Variants in TEX15 observed in about 807,000 individuals in gnomAD.
The protein encoded by TEX15 is testis-expressed protein 15.
TEX15 carries 171 observed loss-of-function variants against 237.3 expected under a neutral mutation model. The observed-to-expected ratio is 0.72, with a 90% CI of 0.64 to 0.82. TEX15 has a LOEUF of 0.82. Among genes scored for constraint, TEX15 ranks in the 40% least tolerant of loss-of-function variants. The pLI is 0.00. For missense variants in TEX15, 3,750 were observed against 3,646.5 expected (o/e 1.03, Z -0.73); for synonymous variants, 1,338 against 1,269.8 (o/e 1.05, Z -1.14).
chr8:30,895,660 A>G (rs1808887829), intron 2 of TEX15, among the ~76,000 whole-genome samples: 1 of 132,698 alleles, frequency 7.5e-6, no homozygotes, highest in Non-Finnish European at 1.5e-5. Context: ...ACATGTCAAC[A>G]CCTTTTAAAC....
At chr8:30,908,556 C>G (rs934044226) in intron 1 of TEX15, among the ~76,000 whole-genome samples, 1 of 152,134 alleles carries the variant, frequency 6.6e-6, no homozygotes, top group Admixed American at 6.5e-5. Flanking sequence ...CAAAGCTTTA[C>G]TGTAAGCCAC....
At chr8:30,871,686 C>A (rs1239904237) in intron 4 of TEX15, among the ~76,000 whole-genome samples, 2 of 152,216 alleles carry the variant, frequency 1.3e-5, no homozygotes, top group African/African-American at 2.4e-5. Flanking sequence ...CATATACTTT[C>A]AAAAACGCTC....
At position 30,845,548 on chromosome 8, in the gene TEX15, T is replaced by G. The variant is rs1446007972; in HGVS notation, c.4619A>C (p.Asn1540Thr). The change falls in exon 8 of 11, where the codon AAT becomes ACT. Residue 1540 changes from asparagine (N) to threonine (T), a missense_variant. Transcript: ENST00000643185. Reference sequence around the variant, plus strand: ...CTGATGTTCTTCTGATAAACTTGGATTGCTTACACTGCTATTATAATAAAC... The same window carrying G: ...CTGATGTTCTTCTGATAAACTTGGAGTGCTTACACTGCTATTATAATAAAC... ...QSVYYNSSVS[N>T]PSLSEEHQPF... 6.2e-7 allele frequency: 1 copy of G among 1,613,700 alleles called. No individual in the cohort carries two copies. The highest frequency in any genetic ancestry group is 8.5e-7 in the Non-Finnish European group (1 of 1,179,646).
intron 8 of TEX15, among the ~76,000 whole-genome samples, chr8:30,840,746 TA>T (rs1807432526): frequency 1.3e-5 from 2 of 152,186 alleles, no homozygotes; most frequent in Non-Finnish European, 1.5e-5. Flanking sequence ...ATCTATCTGT[TA>T]AATCATTAGA....
intron 2 of TEX15, among the ~76,000 whole-genome samples, chr8:30,889,288 T>C (rs1225525363): frequency 6.6e-6 from 1 of 152,100 alleles, no homozygotes; most frequent in Non-Finnish European, 1.5e-5. Flanking sequence ...CCGTCTCTAC[T>C]AAAAATACAA....
chr8:30,860,440 A>G (rs1398957015), intron 5 of TEX15, among the ~76,000 whole-genome samples: 3 of 151,982 alleles, frequency 2.0e-5, no homozygotes, highest in Non-Finnish European at 4.4e-5. Flanking sequence ...AAGTAGAAAT[A>G]TGAATGGAAA....
Position 30,833,269 on chromosome 8 carries a change from TAGAC to T in TEX15, c.*13_*16del, listed in dbSNP as rs752492629. 1.9e-6 allele frequency: 3 copies of T among 1,559,450 alleles called. No individual in the cohort carries two copies. Among genetic ancestry groups the T allele is most frequent in the African/African-American group, 1.4e-5 (1 of 72,586 alleles). ...AAAAACTTGTTATGTCTTATTTCAA[TAGAC>T]AGAAGACTATTTTCAGTGTCCTGGA... On this transcript the variant is annotated 3_prime_UTR_variant, in exon 11 of 11. Transcript: ENST00000643185.
At chr8:30,854,383 A>G in intron 7 of TEX15, among the ~76,000 whole-genome samples, 1 of 152,018 alleles carries the variant, frequency 6.6e-6, no homozygotes, top group Non-Finnish European at 1.5e-5. Context: ...ATGCTAATAA[A>G]TTACATAACT....
In TEX15 at chr8:30,843,393, T is replaced by C; in HGVS notation, c.6774A>G (p.Val2258=). 6.2e-7 allele frequency: 1 copy of C among 1,613,076 alleles called. No individual in the cohort carries two copies. Among genetic ancestry groups the C allele is most frequent in the Non-Finnish European group, 8.5e-7 (1 of 1,179,678 alleles). The change falls in exon 8 of 11, where the codon GTA becomes GTG. Residue 2258 remains valine, a synonymous_variant. Transcript: ENST00000643185. ...KVNFIKNNEA[V]RVKISLYGLE... is the part of the protein sequence containing the mutation. ...GACCATAAAGAGATATTTTAACACG[T>C]ACTGCCTCGTTGTTCTTAATAAAAT...
rs1043436840 is a variant in TEX15 at position 30,848,516 on chromosome 8, C to A, written c.1651G>T (p.Val551Phe). 6.2e-7 allele frequency: 1 copy of A among 1,614,142 alleles called. No homozygotes were observed. The highest frequency in any genetic ancestry group is 8.5e-7 in the Non-Finnish European group (1 of 1,180,006). The change falls in exon 8 of 11, where the codon GTT becomes TTT. Residue 551 changes from valine to phenylalanine, a missense_variant. By Grantham distance (50) the Val-to-Phe change is conservative. Transcript: ENST00000643185. ...PISVSNVVSEVENQNHSEEKA... is the reference protein window; with the variant it reads ...PISVSNVVSEFENQNHSEEKA... Reference sequence around the variant, plus strand: ...TCCTCACTGTGGTTTTGGTTCTCAACCTCTGACACTACATTTGACACAGAA... The same window carrying A: ...TCCTCACTGTGGTTTTGGTTCTCAAACTCTGACACTACATTTGACACAGAA...
rs374692942 is a variant in TEX15 at position 30,889,934 on chromosome 8, C to CATATAT, written c.-9-2629_-9-2624dup. On this transcript the variant is annotated intron_variant, in intron 2 of 10. Coordinates refer to ENST00000643185, the MANE Select transcript of TEX15 (RefSeq NM_001350162.2). Reference sequence around the variant, plus strand: ...TATATATTTATGTATTAGTTATATACATATATATATATATATATACATATA... The same window carrying CATATAT: ...TATATATTTATGTATTAGTTATATACATATATATATATATATATATATATACATATA... Among the ~76,000 whole-genome samples the CATATAT allele has an allele frequency of 1.1e-3, 137 of 123,298 alleles. 2 individuals are homozygous for CATATAT. Among genetic ancestry groups the CATATAT allele is most frequent in the South Asian group, 5.1e-3 (21 of 4,102 alleles). The allele number at this position is 123,298 out of a possible 152,430, so 80.9% of individuals were successfully genotyped here. A position where few individuals can be genotyped will look rare whatever the true frequency, so the allele number is the denominator to read the frequency against.
chr8:30,869,261 A>G (rs954980629), intron 4 of TEX15, among the ~76,000 whole-genome samples: 28 of 152,176 alleles, frequency 1.8e-4, no homozygotes, highest in Middle Eastern at 6.8e-3. Context: ...TTTCAGAAAC[A>G]ATAGGTAAAA....
At position 30,858,745 on chromosome 8, in the gene TEX15, A is replaced by C; in HGVS notation, c.773T>G (p.Phe258Cys). Residue 258 changes from phenylalanine to cysteine, a missense_variant, in exon 7 of 11, where the codon TTT becomes TGT. By Grantham distance (205) the Phe-to-Cys change is radical. Coordinates refer to ENST00000643185, the MANE Select transcript of TEX15 (RefSeq NM_001350162.2). ...TCCATTATCTACTTTTGAACCAAGA[A>C]ATTTTACTGTTACTACAGCATATGG... is the stretch of plus-strand genomic sequence containing the variant. The part of the protein sequence containing the change: ...CLPYAVVTVK[F>C]LGSKVDNGRL... 6.5e-7 allele frequency: 1 copy of C among 1,535,792 alleles called. No individual in the cohort carries two copies. Among genetic ancestry groups the C allele is most frequent in the South Asian group, 1.2e-5 (1 of 84,030 alleles).
Position 30,859,908 on chromosome 8 carries a change from T to C in TEX15, c.687+3A>G, listed in dbSNP as rs1005638035. On this transcript the variant is annotated splice_donor_region_variant and intron_variant, in intron 6 of 10. Coordinates refer to ENST00000643185, the MANE Select transcript of TEX15 (RefSeq NM_001350162.2). ...CAAGAAATCAAATGAACCATTAACATACTGCTGAACTGTAGGCTTGCAGTT... is the reference window on the plus strand; with the variant it reads ...CAAGAAATCAAATGAACCATTAACACACTGCTGAACTGTAGGCTTGCAGTT... 4.9e-6 allele frequency: 7 copies of C among 1,440,716 alleles called. No homozygotes were observed. The Admixed American group carries it at 1.8e-4, about 36-fold the overall frequency. The allele number at this position is 1,440,716 out of a possible 1,614,324, so 89.2% of individuals were successfully genotyped here. A position where few individuals can be genotyped will look rare whatever the true frequency, so the allele number is the denominator to read the frequency against.
At chr8:30,889,937 A>ATATATATATACATATATATATATACG (rs1808752584) in intron 2 of TEX15, among the ~76,000 whole-genome samples, 3 of 124,318 alleles carry the variant, frequency 2.4e-5, no homozygotes, top group Admixed American at 8.4e-5. Context: ...TTATATACAT[A>ATATATATATACATATATATATATACG]TATATATATA....
At chr8:30,867,072 T>A (rs1808187248) in intron 5 of TEX15, among the ~76,000 whole-genome samples, 193 bp downstream of exon 5, 1 of 150,884 alleles carries the variant, frequency 6.6e-6, no homozygotes, top group African/African-American at 2.4e-5. Flanking sequence ...TTTTTTTGCT[T>A]TGTGTTGCAC....
intron 5 of TEX15, among the ~76,000 whole-genome samples, chr8:30,863,108 A>G (rs557130313): frequency 1.3e-4 from 20 of 152,168 alleles, no homozygotes; most frequent in Non-Finnish European, 2.4e-4. Context: ...CCCTTATCCA[A>G]AATGCTTAAA....
rs1006057624 is a variant in TEX15 at position 30,848,382 on chromosome 8, A to C, written c.1785T>G (p.Thr595=). The C allele has an allele frequency of 2.5e-6, 4 of 1,614,030 alleles. No homozygotes were observed. The African/African-American group carries it at 5.3e-5, about 22-fold the overall frequency. Residue 595 remains threonine (T), a synonymous_variant, in exon 8 of 11, where the codon ACT becomes ACG. Coordinates refer to ENST00000643185, the MANE Select transcript of TEX15 (RefSeq NM_001350162.2). ...QSSDLKTIYQ[T]GCQTSTVFPL... ...GAAAAACTGTAGACGTTTGGCAACC[A>C]GTCTGATAAATTGTTTTTAAATCAG...
chr8:30,844,093 T>C lies in TEX15; in HGVS notation c.6074A>G (p.Asn2025Ser). Residue 2025 changes from asparagine (N) to serine (S), a missense_variant, in exon 8 of 11, where the codon AAT becomes AGT. Asn to Ser is a conservative substitution (Grantham distance 46, BLOSUM62 1). Transcript: ENST00000643185. The stretch of plus-strand genomic sequence containing the variant: ...AGCTTCCACAAATAAAGGGAGAATA[T>C]TTAGACAAACCTTAGTTTCTTCCTG... The part of the protein sequence containing the change: ...ILQEETKVCL[N>S]ILPLFVEAFE... 6.2e-7 allele frequency: 1 copy of C among 1,612,996 alleles called. No individual in the cohort carries two copies. Among genetic ancestry groups the C allele is most frequent in the East Asian group, 2.2e-5 (1 of 44,872 alleles).
Sources: allele counts gnomAD v4.1 joint callset (sites outside exome capture counted in the v4.1 genomes callset), GRCh38; gene constraint gnomAD v4.1.1; transcripts MANE v1.5; gene names NCBI Gene and HGNC (gene_info 2026-07-23, HGNC 2026-07-21).